The following LRP2 variants were observed in gnomAD, a reference collection of about 807,000 sequenced individuals.
LRP2 encodes LDL receptor related protein 2.
Under a neutral mutation model 531.0 loss-of-function variants are expected in LRP2, and 172 were observed. The ratio of observed to expected loss-of-function variants is 0.32; its 90% CI spans 0.29 to 0.37. The LOEUF is 0.37. Ranked by LOEUF, LRP2 falls within the 10% of genes least tolerant of loss-of-function variation. The pLI, the probability that LRP2 is intolerant of heterozygous loss-of-function variation, is 1.00. For missense variants in LRP2, 5,167 were observed against 5,868.3 expected, an observed-to-expected ratio of 0.88 and a Z score of 3.90; for synonymous variants, 1,992 against 2,027.6, an observed-to-expected ratio of 0.98 and a Z score of 0.47.
chr2:169,226,042 C>A (rs550038366), intron 32 of LRP2, among the ~76,000 whole-genome samples: 19 of 152,272 alleles, frequency 1.2e-4, no homozygotes, highest in Non-Finnish European at 1.9e-4. Flanking sequence ...TTATATTCGT[C>A]GAATATTTTC....
chr2:169,188,402 A>G (rs1687710623), intron 48 of LRP2, 137 bp from the exon 49 acceptor site: 6 of 818,308 alleles, frequency 7.3e-6, no homozygotes, highest in African/African-American at 1.7e-5. Context: ...AGTGTCCTTG[A>G]TCCCCTTTCC....
intron 68 of LRP2, among the ~76,000 whole-genome samples, chr2:169,147,482 T>C (rs1177020700): frequency 6.6e-6 from 1 of 151,982 alleles, no homozygotes; most frequent in East Asian, 1.9e-4. Flanking sequence ...GCCTGGCTAG[T>C]TTTTTGTGTT....
intron 1 of LRP2, among the ~76,000 whole-genome samples, chr2:169,356,034 G>C (rs1344058955): frequency 6.6e-6 from 1 of 152,086 alleles, no homozygotes. Context: ...GGGACCACAA[G>C]GGCACACCAC....
chr2:169,230,259 C>G (rs551123922), intron 31 of LRP2, among the ~76,000 whole-genome samples: 4 of 152,202 alleles, frequency 2.6e-5, no homozygotes, highest in Non-Finnish European at 5.9e-5. Flanking sequence ...CTGAAAGACT[C>G]TAGGAACACA....
chr2:169,202,869 C>T lies in LRP2; in HGVS notation c.8096G>A (p.Arg2699Gln), dbSNP rs867912144. Residue 2699 changes from arginine to glutamine, a missense_variant, in exon 43 of 79, where the codon CGA becomes CAA. By Grantham distance (43) the Arg-to-Gln change is conservative (BLOSUM62 1). Transcript: ENST00000649046. ...GCAGGTGAAGGAAGATGCACCACAT[C>T]GTTCACCATTGTCCACAATGCAGTG... ...RKHCIVDNGE[R>Q]CGASSFTCSN... 3 of 1,614,084 alleles carry T rather than the reference C, an allele frequency of 1.9e-6. No individual in the cohort carries two copies. Among genetic ancestry groups the T allele is most frequent in the African/African-American group, 1.3e-5 (1 of 74,948 alleles).
Position 169,128,807 on chromosome 2 carries a change from A to T in LRP2, c.13824T>A (p.Ser4608Arg). 6.2e-7 allele frequency: 1 copy of T among 1,614,076 alleles called. No individual in the cohort carries two copies. The highest frequency in any genetic ancestry group is 8.5e-7 in the Non-Finnish European group (1 of 1,179,994). ...YAQMENEQKE[S>R]VAATPPPSPS... The stretch of plus-strand genomic sequence containing the variant: ...GTGATGGAGGTGGTGTCGCAGCAAC[A>T]CTTTCCTTTTGCTCGTTCTCCATCT... The change falls in exon 79 of 79, where the codon AGT becomes AGA. Residue 4608 changes from serine (S) to arginine (R), a missense_variant. Physicochemically the swap from Ser to Arg is moderately radical, Grantham distance 110. Coordinates refer to ENST00000649046, the MANE Select transcript of LRP2 (RefSeq NM_004525.3).
At chr2:169,275,732 C>T (rs1219465951) in intron 13 of LRP2, among the ~76,000 whole-genome samples, 2 of 152,040 alleles carry the variant, frequency 1.3e-5, no homozygotes, top group African/African-American at 2.4e-5. Flanking sequence ...CAAACGCCCA[C>T]ATCTGTTCCT....
intron 68 of LRP2, among the ~76,000 whole-genome samples, chr2:169,148,201 A>G (rs1558978937): frequency 6.6e-6 from 1 of 152,260 alleles, no homozygotes; most frequent in Non-Finnish European, 1.5e-5. Context: ...CACATGTGAA[A>G]GAAGCTAGTC....
intron 77 of LRP2, among the ~76,000 whole-genome samples, chr2:169,131,348 C>T (rs949981833): frequency 6.6e-6 from 1 of 151,668 alleles, no homozygotes; most frequent in Non-Finnish European, 1.5e-5. Flanking sequence ...GATATAGACT[C>T]TTCTCAGCAT....
intron 63 of LRP2, among the ~76,000 whole-genome samples, chr2:169,157,873 T>C (rs1216350382): frequency 6.6e-6 from 1 of 150,856 alleles, no homozygotes; most frequent in Non-Finnish European, 1.5e-5. Context: ...GATCAATAGA[T>C]AGATAGAGAG....
intron 36 of LRP2, among the ~76,000 whole-genome samples, chr2:169,212,468 G>A (rs1688628422): frequency 6.6e-6 from 1 of 152,026 alleles, no homozygotes. Context: ...AATCATGCGA[G>A]GATTAGGGAG....
At chr2:169,199,941 A>G (rs1048733050) in intron 44 of LRP2, among the ~76,000 whole-genome samples, 3 of 152,204 alleles carry the variant, frequency 2.0e-5, no homozygotes, top group Admixed American at 6.5e-5. Flanking sequence ...TTAAATTTCA[A>G]TGGGAAATAT....
chr2:169,311,553 T>C (rs1684598791), intron 3 of LRP2, among the ~76,000 whole-genome samples: 1 of 152,242 alleles, frequency 6.6e-6, no homozygotes, highest in Admixed American at 6.5e-5. Context: ...GATTGCACTG[T>C]GGTCTGAGAG....
rs1231505242 is a variant in LRP2, at chr2:169,198,841, C to A, written c.8523G>T (p.Leu2841Phe). 1.2e-6 allele frequency: 2 copies of A among 1,614,010 alleles called. No individual in the cohort carries two copies. Among genetic ancestry groups the A allele is most frequent in the East Asian group, 4.5e-5 (2 of 44,876 alleles). ...CTCCACAGTCATTGTCTCCGTCACA[C>A]AAATAAACGCGAGGAATACAAATAT... ...NSNICIPRVY[L>F]CDGDNDCGDN... Residue 2841 changes from leucine (L) to phenylalanine (F), a missense_variant, in exon 45 of 79, where the codon TTG becomes TTT. This residue lies in a region of LRP2 where 1,129 missense variants were observed against 1,362.7 expected (regional missense o/e 0.83). Transcript: ENST00000649046.
intron 21 of LRP2, among the ~76,000 whole-genome samples, chr2:169,245,447 A>C (rs1689971727): frequency 6.6e-6 from 1 of 152,228 alleles, no homozygotes; most frequent in South Asian, 2.1e-4. Flanking sequence ...GATAATACAC[A>C]AAAAGATGAA....
chr2:169,361,298 T>TCGGCC (rs1686141941), intron 1 of LRP2, among the ~76,000 whole-genome samples: 2 of 147,306 alleles, frequency 1.4e-5, no homozygotes, highest in African/African-American at 5.0e-5. Flanking sequence ...CCATTCATCC[T>TCGGCC]CGGCCGGGTC....
chr2:169,346,008 C>T (rs1685689150), intron 1 of LRP2, among the ~76,000 whole-genome samples: 1 of 152,226 alleles, frequency 6.6e-6, no homozygotes, highest in Non-Finnish European at 1.5e-5. Context: ...GTAACTACAG[C>T]TTTAATAAAA....
intron 62 of LRP2, among the ~76,000 whole-genome samples, chr2:169,163,204 A>C (rs1335118628): frequency 6.6e-6 from 1 of 152,228 alleles, no homozygotes; most frequent in Non-Finnish European, 1.5e-5. Flanking sequence ...AAGGCAGATC[A>C]CATGCTTACT....
At chr2:169,147,595 G>C (rs1259062680) in intron 68 of LRP2, among the ~76,000 whole-genome samples, 1 of 152,122 alleles carries the variant, frequency 6.6e-6, no homozygotes, top group Non-Finnish European at 1.5e-5. Flanking sequence ...GGGATTACAG[G>C]AGTGAGCCAC....
Sources: allele counts gnomAD v4.1 joint callset (sites outside exome capture counted in the v4.1 genomes callset), GRCh38; gene constraint gnomAD v4.1.1; regional missense constraint gnomAD v4.1.1; transcripts MANE v1.5; gene names NCBI Gene and HGNC (gene_info 2026-07-23, HGNC 2026-07-21).